Variants in SF3A1 observed in about 807,000 individuals in gnomAD.
The protein encoded by SF3A1 is splicing factor 3a subunit 1.
Under a neutral mutation model 89.9 loss-of-function variants are expected in SF3A1, and 13 were observed. That is an observed-to-expected ratio of 0.14 (90% CI 0.09 to 0.23). The LOEUF is 0.23. Ranked by LOEUF, SF3A1 falls within the 10% of genes least tolerant of loss-of-function variation. SF3A1 has a pLI of 1.00. For synonymous variants in SF3A1, 405 were observed against 374.4 expected (o/e 1.08, Z -0.94); for missense variants, 604 against 1,022.1 (o/e 0.59, Z 5.58).
Position 30,340,398 on chromosome 22 carries a change from G to C in SF3A1, c.1190-17C>G, listed in dbSNP as rs780794251. On this transcript the variant is annotated splice_polypyrimidine_tract_variant and intron_variant, in intron 8 of 15. Coordinates refer to ENST00000215793, the MANE Select transcript of SF3A1 (RefSeq NM_005877.6). ...GCTTGGAGGCTAAAAGGAAACAGAT[G>C]TTTCAGTAAGAACACTGGTGGGCAG... 2.5e-6 allele frequency: 4 copies of C among 1,610,298 alleles called. No individual in the cohort carries two copies. In the African/African-American group the frequency reaches 5.4e-5, roughly 22 times the overall value.
In SF3A1 at chr22:30,337,700, A is replaced by T. The variant is rs377269405; in HGVS notation, c.1941T>A (p.Ile647=). ...GCAAGAGATACTGACCTGTTGGCAC[A>T]ATCATGGGGGGTGGGCGGGGGGCCA... ...PIMAPRPPPM[I]VPTAFVPAPP... is the part of the protein sequence containing the mutation. The change falls in exon 12 of 16, where the codon ATT becomes ATA. Residue 647 remains isoleucine (I), a synonymous_variant. Transcript: ENST00000215793. 2 of 543,692 alleles carry T rather than the reference A, an allele frequency of 3.7e-6. No individual in the cohort carries two copies. The highest frequency in any genetic ancestry group is 2.9e-5 in the African/African-American group (1 of 34,190). The allele number at this position is 543,692 out of a possible 1,614,324, so 33.7% of individuals were successfully genotyped here.
chr22:30,353,751 G>A (rs575718310), intron 1 of SF3A1, among the ~76,000 whole-genome samples: 48 of 152,204 alleles, frequency 3.2e-4, no homozygotes, highest in Admixed American at 9.8e-4. Flanking sequence ...CGAGTCTGCC[G>A]ACGCTCCCGG....
chr22:30,335,747 C>G lies in SF3A1; in HGVS notation c.2113G>C (p.Val705Leu). 6.2e-7 allele frequency: 1 copy of G among 1,613,968 alleles called. No individual in the cohort carries two copies. Among genetic ancestry groups the G allele is most frequent in the Non-Finnish European group, 8.5e-7 (1 of 1,179,830 alleles). ...EEFLRRNKGP[V>L]SIKVQVPNMQ... Reference sequence around the variant, plus strand: ...TTGGGCACCTGGACTTTGATGGACACTGGACCCTACAAAACAGGAGGTGGT... The same window carrying G: ...TTGGGCACCTGGACTTTGATGGACAGTGGACCCTACAAAACAGGAGGTGGT... Residue 705 changes from valine (V) to leucine (L), a missense_variant, in exon 14 of 16, where the codon GTG (valine) becomes CTG (leucine). By Grantham distance (32) the Val-to-Leu change is conservative (BLOSUM62 1). Around this residue, in one of 9 missense-constraint regions of SF3A1, gnomAD observed 74 missense variants for 141.3 expected, o/e 0.52. Coordinates refer to ENST00000215793, the MANE Select transcript of SF3A1 (RefSeq NM_005877.6).
intron 2 of SF3A1, among the ~76,000 whole-genome samples, chr22:30,349,433 A>C (rs1003819273): frequency 6.6e-6 from 1 of 152,132 alleles, no homozygotes; most frequent in African/African-American, 2.4e-5. Flanking sequence ...GGCGCCCGCC[A>C]CCACACCTGG....
rs1930974958 is a variant in SF3A1 at position 30,333,485 on chromosome 22, C to T, written c.*1109G>A. ...AACAGGCTCTCACCTTCCTCCAACACCCACAGCATTGCCTATCTCCCTGTG... is the reference window on the plus strand; with the variant it reads ...AACAGGCTCTCACCTTCCTCCAACATCCACAGCATTGCCTATCTCCCTGTG... On this transcript the variant is annotated 3_prime_UTR_variant, in exon 16 of 16. Transcript: ENST00000215793. 6.6e-6 allele frequency: 1 copy of T among 152,280 alleles called. No individual in the cohort carries two copies. Among genetic ancestry groups the T allele is most frequent in the African/African-American group, 2.4e-5 (1 of 41,470 alleles). The allele number at this position is 152,280 out of a possible 1,614,324, so 9.4% of individuals were successfully genotyped here.
intron 2 of SF3A1, among the ~76,000 whole-genome samples, chr22:30,347,300 G>GAAAC (rs924880589): frequency 3.3e-5 from 5 of 151,992 alleles, no homozygotes; most frequent in Non-Finnish European, 7.4e-5. Flanking sequence ...CTGTCTTTAA[G>GAAAC]AAACAAACAA....
At chr22:30,350,910 T>C (rs1931571828) in intron 2 of SF3A1, among the ~76,000 whole-genome samples, 1 of 152,236 alleles carries the variant, frequency 6.6e-6, no homozygotes, top group South Asian at 2.1e-4. Context: ...ATCACAATGT[T>C]CAATCAAGCA....
At position 30,337,907 on chromosome 22, in the gene SF3A1, A is replaced by C. The variant is rs1466198079; in HGVS notation, c.1744-10T>G. On this transcript the variant is annotated splice_polypyrimidine_tract_variant and intron_variant, in intron 11 of 15. Coordinates refer to ENST00000215793, the MANE Select transcript of SF3A1 (RefSeq NM_005877.6). ...GAACTGGAGGTGGCATCTGTGCAGG[A>C]AAGAGACCCACAGATTACAGGAAGC... The C allele has an allele frequency of 6.3e-7, 1 of 1,589,398 alleles. No homozygotes were observed. Among genetic ancestry groups the C allele is most frequent in the Non-Finnish European group, 8.6e-7 (1 of 1,166,804 alleles).
Position 30,335,739 on chromosome 22 carries a change from G to C in SF3A1, c.2121C>G (p.Ile707Met). 6.2e-7 allele frequency: 1 copy of C among 1,614,120 alleles called. No homozygotes were observed. Residue 707 changes from isoleucine (I) to methionine (M), a missense_variant, in exon 14 of 16, where the codon ATC (isoleucine) becomes ATG (methionine). Coordinates refer to ENST00000215793, the MANE Select transcript of SF3A1 (RefSeq NM_005877.6). ...CCTGCATGTTGGGCACCTGGACTTTGATGGACACTGGACCCTACAAAACAG... is the reference window on the plus strand; with the variant it reads ...CCTGCATGTTGGGCACCTGGACTTTCATGGACACTGGACCCTACAAAACAG... ...FLRRNKGPVS[I>M]KVQVPNMQDK...
chr22:30,347,124 T>G (rs1276045143), intron 2 of SF3A1, among the ~76,000 whole-genome samples: 1 of 151,994 alleles, frequency 6.6e-6, no homozygotes. Flanking sequence ...AGACCCTAAC[T>G]CTACAAAAAA....
chr22:30,341,826 G>C lies in SF3A1; in HGVS notation c.937C>G (p.Arg313Gly). The change falls in exon 7 of 16, where the codon CGC (arginine) becomes GGC (glycine). Residue 313 changes from arginine (R) to glycine (G), a missense_variant. Around this residue, in one of 9 missense-constraint regions of SF3A1, gnomAD observed 146 missense variants for 228.5 expected, o/e 0.64. Coordinates refer to ENST00000215793, the MANE Select transcript of SF3A1 (RefSeq NM_005877.6). The stretch of plus-strand genomic sequence containing the variant: ...TCACTCTCCCCAAACTTTTCATAGC[G>C]CTCCTGAATGAGGATTCGGGCCCCC... The part of the protein sequence containing the change: ...ELGARILIQE[R>G]YEKFGESEEV... 1 of 1,613,960 alleles carries C rather than the reference G, an allele frequency of 6.2e-7. No individual in the cohort carries two copies. Among genetic ancestry groups the C allele is most frequent in the Non-Finnish European group, 8.5e-7 (1 of 1,179,998 alleles).
chr22:30,356,735 T>G lies in SF3A1; in HGVS notation c.58A>C (p.Lys20Gln). The change falls in exon 1 of 16, where the codon AAA (lysine) becomes CAA (glutamine). Residue 20 changes from lysine (K) to glutamine (Q), a missense_variant. Physicochemically the swap from Lys to Gln is moderately conservative, Grantham distance 53. This residue lies in a region of SF3A1 where 55 missense variants were observed against 43.8 expected (regional missense o/e 1.25). Transcript: ENST00000215793. ...GAGGGGCGGGGGAGAGGTACCTGTT[T>G]GGGCTCCGTGGGCACGGGCGGCGGC... ...PPPPPVPTEPKQPTEEEASSK... is the reference protein window; with the variant it reads ...PPPPPVPTEPQQPTEEEASSK... 6.7e-7 allele frequency: 1 copy of G among 1,493,292 alleles called. No homozygotes were observed. The highest frequency in any genetic ancestry group is 8.9e-7 in the Non-Finnish European group (1 of 1,117,544). The allele number at this position is 1,493,292 out of a possible 1,614,324, so 92.5% of individuals were successfully genotyped here.
chr22:30,335,534 G>A lies in SF3A1; in HGVS notation c.2213C>T (p.Ser738Phe). Residue 738 changes from serine (S) to phenylalanine (F), a missense_variant, in exon 15 of 16, where the codon TCT becomes TTT. Physicochemically the swap from Ser to Phe is radical, Grantham distance 155 (BLOSUM62 -2). Around this residue, in one of 9 missense-constraint regions of SF3A1, gnomAD observed 74 missense variants for 141.3 expected, o/e 0.52. Transcript: ENST00000215793. Reference protein sequence around the residue: ...VFTLPLTDQVSVIKVKIHEAT... With the variant: ...VFTLPLTDQVFVIKVKIHEAT... ...TTCATGAATCTTCACCTTAATGACA[G>A]AGACCTGTGGGATCAAGCAGCGGTC... 1 of 1,614,196 alleles carries A rather than the reference G, an allele frequency of 6.2e-7. No individual in the cohort carries two copies. Among genetic ancestry groups the A allele is most frequent in the Non-Finnish European group, 8.5e-7 (1 of 1,180,020 alleles).
At chr22:30,352,356 G>A (rs191146970) in intron 2 of SF3A1, among the ~76,000 whole-genome samples, 2 of 151,994 alleles carry the variant, frequency 1.3e-5, no homozygotes, top group East Asian at 3.9e-4. Flanking sequence ...ACTGTGGGGA[G>A]AGACAGGAGG....
intron 12 of SF3A1, 82 bp downstream of exon 12, chr22:30,337,608 G>C (rs2145803003): frequency 2.6e-6 from 2 of 764,242 alleles, no homozygotes; most frequent in South Asian, 2.9e-5. Context: ...GCTGGCACTA[G>C]CATCAGCCAC....
chr22:30,355,896 G>C (rs555328545), intron 1 of SF3A1, among the ~76,000 whole-genome samples: 2 of 136,652 alleles, frequency 1.5e-5, no homozygotes, highest in East Asian at 4.4e-4. Flanking sequence ...GATGAATAAA[G>C]GATGCTATTT....
Position 30,340,750 on chromosome 22 carries a change from T to C in SF3A1, c.1134A>G (p.Pro378=). Residue 378 remains proline (P), a synonymous_variant, in exon 8 of 16, where the codon CCA becomes CCG. Transcript: ENST00000215793. ...VPPPPETPMP[P]PLPPTPDQVI... ...CTTGGTCTGGAGTTGGGGGCAGAGG[T>C]GGAGGCATGGGTGTCTCTGGGGGTG... 1 of 1,605,676 alleles carries C rather than the reference T, an allele frequency of 6.2e-7. No homozygotes were observed. Among genetic ancestry groups the C allele is most frequent in the Non-Finnish European group, 8.5e-7 (1 of 1,176,332 alleles).
intron 1 of SF3A1, 84 bp from the exon 2 acceptor site, chr22:30,353,156 T>A: frequency 6.6e-7 from 1 of 1,515,162 alleles, no homozygotes; most frequent in Non-Finnish European, 8.9e-7. Context: ...TAGGATATCA[T>A]TCAGAGTAGA....
At chr22:30,346,888 C>T (rs1263019808) in intron 2 of SF3A1, among the ~76,000 whole-genome samples, 1 of 152,032 alleles carries the variant, frequency 6.6e-6, no homozygotes, top group Non-Finnish European at 1.5e-5. Flanking sequence ...ATCAGTATGC[C>T]TTTACCAACA....
Sources: gnomAD v4.1 joint callset for allele counts (sites outside exome capture counted in the v4.1 genomes callset) on GRCh38, gnomAD v4.1.1 for gene constraint, gnomAD v4.1.1 regional missense constraint, MANE v1.5 for transcripts, NCBI Gene and HGNC (gene_info 2026-07-23, HGNC 2026-07-21) for gene names.